Variants in TAFA2 observed in about 807,000 individuals in gnomAD.
The protein encoded by TAFA2 is chemokine-like protein TAFA-2.
A neutral mutation model predicts 18.8 loss-of-function variants in TAFA2; 7 were observed. The observed-to-expected ratio is 0.37, with a 90% CI of 0.21 to 0.70. The LOEUF (loss-of-function observed/expected upper bound fraction) is 0.70. Ranked by LOEUF, TAFA2 falls within the 30% of genes least tolerant of loss-of-function variation. TAFA2 has a pLI of 0.53. For synonymous variants in TAFA2, 60 were observed against 54.2 expected (o/e 1.11, Z -0.47); for missense variants, 122 against 158.1 (o/e 0.77, Z 1.23).
intron 1 of TAFA2, among the ~76,000 whole-genome samples, chr12:62,012,860 G>A (rs924872713): frequency 5.9e-5 from 9 of 152,118 alleles, no homozygotes; most frequent in Admixed American, 5.9e-4. Flanking sequence ...TCTAAATACT[G>A]GAGGGAAATG....
Position 61,917,078 on chromosome 12 carries a change from A to G in TAFA2, c.-1-49652T>C, listed in dbSNP as rs565023870. ...CCCAGCCCCCAATCCTGCCATTTGA[A>G]TATACAAGGATAGGAGAGGGAAATG... On this transcript the variant is annotated intron_variant, in intron 1 of 4. Transcript: ENST00000416284. Among the ~76,000 whole-genome samples, 4 of 152,302 alleles carry G rather than the reference A, an allele frequency of 2.6e-5. No homozygotes were observed. In the South Asian group the frequency reaches 8.3e-4, roughly 32 times the overall value.
At chr12:61,800,882 A>T (rs917386713) in intron 2 of TAFA2, among the ~76,000 whole-genome samples, 7 of 152,160 alleles carry the variant, frequency 4.6e-5, no homozygotes, top group Non-Finnish European at 8.8e-5. Flanking sequence ...AAGTCATAGG[A>T]TCAAAAATAG....
rs1879863942 is a variant in TAFA2 at position 61,987,639 on chromosome 12, A to G, written c.-1-120213T>C. Among the ~76,000 whole-genome samples the G allele has an allele frequency of 3.9e-5, 6 of 152,362 alleles. No individual in the cohort carries two copies. In the South Asian group the frequency reaches 1.2e-3, roughly 32 times the overall value. ...GGTTAAAAATTGTACTTCCGAGAAC[A>G]CAAATAATATCTAAGCCAAAAATAA... On this transcript the variant is annotated intron_variant, in intron 1 of 4. Transcript: ENST00000416284.
Position 61,814,234 on chromosome 12 carries a change from G to T in TAFA2, c.106+53086C>A, listed in dbSNP as rs917606056. Among the ~76,000 whole-genome samples, 9 of 151,376 alleles carry T rather than the reference G, an allele frequency of 5.9e-5. No individual in the cohort carries two copies. The East Asian group carries it at 1.7e-3, about 29-fold the overall frequency. ...TGCCAGAGGGAGTAAAAAGTGCTAGGCCTCATGGTGAGGGAAGGTATTGGT... is the reference window on the plus strand; with the variant it reads ...TGCCAGAGGGAGTAAAAAGTGCTAGTCCTCATGGTGAGGGAAGGTATTGGT... On this transcript the variant is annotated intron_variant, in intron 2 of 4. Transcript: ENST00000416284.
chr12:61,932,695 C>T (rs1877609359), intron 1 of TAFA2, among the ~76,000 whole-genome samples: 1 of 152,160 alleles, frequency 6.6e-6, no homozygotes, highest in Non-Finnish European at 1.5e-5. Context: ...CCTCCTCGAC[C>T]TCCCAAAGTG....
At chr12:62,020,975 C>G (rs1592554363) in intron 1 of TAFA2, among the ~76,000 whole-genome samples, 1 of 152,218 alleles carries the variant, frequency 6.6e-6, no homozygotes, top group Admixed American at 6.5e-5. Flanking sequence ...GTTATATTCA[C>G]TCCTTTGCCT....
chr12:61,879,134 C>T (rs1056692077), intron 1 of TAFA2, among the ~76,000 whole-genome samples: 3 of 152,176 alleles, frequency 2.0e-5, no homozygotes, highest in Admixed American at 2.0e-4. Flanking sequence ...GATGGCACCA[C>T]TACACTCCAG....
chr12:62,231,615 GT>G (rs1039778329), intron 1 of TAFA2, among the ~76,000 whole-genome samples: 3 of 151,950 alleles, frequency 2.0e-5, no homozygotes, highest in Non-Finnish European at 2.9e-5. Flanking sequence ...TTTGTTACAT[GT>G]TTTTTGTTTT....
At chr12:62,116,718 G>C (rs1275463155) in intron 1 of TAFA2, among the ~76,000 whole-genome samples, 2 of 151,272 alleles carry the variant, frequency 1.3e-5, no homozygotes, top group African/African-American at 4.9e-5. Context: ...GAAAACAGCA[G>C]ACACTAATTA....
At chr12:62,081,234 A>G (rs1868318710) in intron 1 of TAFA2, among the ~76,000 whole-genome samples, 1 of 152,168 alleles carries the variant, frequency 6.6e-6, no homozygotes. Flanking sequence ...TATTTATAGA[A>G]TTTTAAGAAA....
rs1190924254 is a variant in TAFA2 at position 61,808,701 on chromosome 12, G to A, written c.107-53677C>T. On this transcript the variant is annotated intron_variant, in intron 2 of 4. Transcript: ENST00000416284. ...TTTCAGGATGAAAGTAACATTGAAG[G>A]ACTTGGTCTGAAAGTAGTAATGCAA... 5.3e-5 allele frequency among the ~76,000 whole-genome samples: 8 copies of A among 151,454 alleles called. 1 individual carries two copies. The highest frequency in any genetic ancestry group is 2.0e-4 in the African/African-American group (8 of 40,794).
At chr12:61,987,127 G>T (rs938729479) in intron 1 of TAFA2, among the ~76,000 whole-genome samples, 1 of 152,188 alleles carries the variant, frequency 6.6e-6, no homozygotes, top group Non-Finnish European at 1.5e-5. Context: ...TGTGAGGAGA[G>T]AAAATACTGA....
intron 2 of TAFA2, among the ~76,000 whole-genome samples, chr12:61,764,552 C>T (rs1156249214): frequency 6.6e-6 from 1 of 152,044 alleles, no homozygotes; most frequent in East Asian, 1.9e-4. Flanking sequence ...GCATTTAGGT[C>T]TCTGGATCTC....
At chr12:61,966,798 C>A (rs1879083288) in intron 1 of TAFA2, among the ~76,000 whole-genome samples, 1 of 151,900 alleles carries the variant, frequency 6.6e-6, no homozygotes, top group Non-Finnish European at 1.5e-5. Flanking sequence ...TATGCTAATA[C>A]AAATTCTCTC....
At chr12:61,819,744 T>A (rs1174107419) in intron 2 of TAFA2, among the ~76,000 whole-genome samples, 2 of 152,148 alleles carry the variant, frequency 1.3e-5, no homozygotes, top group Non-Finnish European at 2.9e-5. Flanking sequence ...ATCTATTACA[T>A]AATGACTACA....
At chr12:61,886,573 G>A (rs1875390230) in intron 1 of TAFA2, among the ~76,000 whole-genome samples, 1 of 152,156 alleles carries the variant, frequency 6.6e-6, no homozygotes, top group Admixed American at 6.5e-5. Context: ...GAGAACACAA[G>A]TTAGGCCTGA....
At chr12:62,158,654 C>T (rs573553612) in intron 1 of TAFA2, among the ~76,000 whole-genome samples, 48 of 152,282 alleles carry the variant, frequency 3.2e-4, no homozygotes, top group African/African-American at 9.9e-4. Context: ...CCTACCCAGC[C>T]CAGTGATTGT....
At chr12:61,815,219 C>T (rs1446739313) in intron 2 of TAFA2, among the ~76,000 whole-genome samples, 1 of 151,364 alleles carries the variant, frequency 6.6e-6, no homozygotes, top group East Asian at 1.9e-4. Context: ...TAAATTTTAA[C>T]TTGAACAGGT....
intron 1 of TAFA2, among the ~76,000 whole-genome samples, chr12:61,942,094 A>G (rs2121423966): frequency 6.6e-6 from 1 of 151,546 alleles, no homozygotes; most frequent in African/African-American, 2.4e-5. Context: ...CCCAGCACGC[A>G]GCTGGAGATC....
Sources: allele counts gnomAD v4.1 joint callset (sites outside exome capture counted in the v4.1 genomes callset), GRCh38; gene constraint gnomAD v4.1.1; transcripts MANE v1.5; gene names NCBI Gene and HGNC (gene_info 2026-07-23, HGNC 2026-07-21).